Variants in NKAIN2 observed in about 807,000 individuals in gnomAD.
The protein encoded by NKAIN2 is sodium/potassium-transporting ATPase subunit beta-1-interacting protein 2.
A neutral mutation model predicts 32.6 loss-of-function variants in NKAIN2; 14 were observed. The ratio of observed to expected loss-of-function variants is 0.43; its 90% CI spans 0.28 to 0.67. The LOEUF is 0.67. Ranked by LOEUF, NKAIN2 falls within the 30% of genes least tolerant of loss-of-function variation. NKAIN2 has a pLI of 0.17. For missense variants in NKAIN2, 198 were observed against 258.3 expected, an observed-to-expected ratio of 0.77 and a Z score of 1.60; for synonymous variants, 80 against 87.2, an observed-to-expected ratio of 0.92 and a Z score of 0.46.
chr6:123,829,395 T>A (rs2114908741), intron 1 of NKAIN2: 1 of 152,348 alleles, frequency 6.6e-6, no homozygotes, highest in South Asian at 2.1e-4. Flanking sequence ...TTCCTAGCTG[T>A]TGTATCGGAC....
chr6:123,871,703 C>T (rs1772896190), intron 1 of NKAIN2, among the ~76,000 whole-genome samples: 1 of 152,118 alleles, frequency 6.6e-6, no homozygotes, highest in African/African-American at 2.4e-5. Context: ...TGATTTCTCC[C>T]TAGGGTTTTG....
intron 3 of NKAIN2, among the ~76,000 whole-genome samples, chr6:124,480,774 A>G (rs1257155319): frequency 2.0e-5 from 3 of 152,152 alleles, no homozygotes; most frequent in African/African-American, 7.2e-5. Context: ...TGTTAATAGA[A>G]AAGTGTAATA....
chr6:124,384,994 T>TA (rs1166919855), intron 3 of NKAIN2, among the ~76,000 whole-genome samples: 1 of 152,162 alleles, frequency 6.6e-6, no homozygotes, highest in East Asian at 1.9e-4. Context: ...CCATTGATGT[T>TA]ACTGAATGGC....
chr6:124,051,383 T>C (rs1562329742), intron 1 of NKAIN2, among the ~76,000 whole-genome samples: 1 of 152,044 alleles, frequency 6.6e-6, no homozygotes. Context: ...ATAAATGCCA[T>C]TGAGATATAG....
chr6:124,082,578 G>C (rs1784024058), intron 1 of NKAIN2, among the ~76,000 whole-genome samples: 1 of 151,264 alleles, frequency 6.6e-6, no homozygotes, highest in African/African-American at 2.4e-5. Context: ...AAAACATTTA[G>C]AACAATAGAA....
At chr6:124,779,007 C>T (rs1021894933) in intron 4 of NKAIN2, among the ~76,000 whole-genome samples, 5 of 151,734 alleles carry the variant, frequency 3.3e-5, no homozygotes, top group South Asian at 4.2e-4. Context: ...GGCCCATAAA[C>T]GAGATGAAAT....
chr6:124,315,421 T>A (rs1350597457), intron 2 of NKAIN2, among the ~76,000 whole-genome samples: 1 of 150,888 alleles, frequency 6.6e-6, no homozygotes, highest in Non-Finnish European at 1.5e-5. Context: ...AAGAGCAATT[T>A]TTTTAGGATA....
intron 3 of NKAIN2, among the ~76,000 whole-genome samples, chr6:124,539,813 T>G (rs928464977): frequency 1.4e-4 from 21 of 151,998 alleles, no homozygotes; most frequent in African/African-American, 4.8e-4. Flanking sequence ...CTCCGCCTCC[T>G]GGGTTCAAGC....
chr6:124,535,150 C>T (rs866524440), intron 3 of NKAIN2, among the ~76,000 whole-genome samples: 1 of 152,194 alleles, frequency 6.6e-6, no homozygotes, highest in Non-Finnish European at 1.5e-5. Context: ...CAGTTGATTG[C>T]ACCCATAGAT....
rs140992703 is a variant in NKAIN2 at position 124,799,169 on chromosome 6, G to A, written c.535+7770G>A. 2.2e-4 allele frequency among the ~76,000 whole-genome samples: 33 copies of A among 152,232 alleles called. No individual in the cohort carries two copies. In the East Asian group the frequency reaches 4.8e-3, roughly 22 times the overall value. ...AACACCTGAGACAGATGCTACATGC[G>A]AATTTTCCTCCTGTCAATCAAATTC... On this transcript the variant is annotated intron_variant, in intron 5 of 6. Coordinates refer to ENST00000368417, the MANE Select transcript of NKAIN2 (RefSeq NM_001040214.3).
intron 1 of NKAIN2, among the ~76,000 whole-genome samples, chr6:123,911,797 ATATG>A (rs1438409165): frequency 2.9e-5 from 3 of 103,348 alleles, no homozygotes; most frequent in African/African-American, 1.4e-4. Context: ...ATATATATAT[ATATG>A]TATATATATA....
At chr6:124,465,648 A>C (rs1299347277) in intron 3 of NKAIN2, among the ~76,000 whole-genome samples, 1 of 150,134 alleles carries the variant, frequency 6.7e-6, no homozygotes, top group African/African-American at 2.5e-5. Flanking sequence ...AAAAAAAAAG[A>C]AATTCCTTTG....
chr6:123,979,307 C>T (rs1270939377), intron 1 of NKAIN2, among the ~76,000 whole-genome samples: 2 of 152,092 alleles, frequency 1.3e-5, no homozygotes, highest in Non-Finnish European at 1.5e-5. Flanking sequence ...CAGTAACATT[C>T]GTTATTACAT....
chr6:124,027,133 A>G (rs535329401), intron 1 of NKAIN2, among the ~76,000 whole-genome samples: 1 of 146,154 alleles, frequency 6.8e-6, no homozygotes, highest in East Asian at 2.0e-4. Flanking sequence ...GGGTTTAATT[A>G]TCACTCTTTT....
intron 1 of NKAIN2, among the ~76,000 whole-genome samples, chr6:123,954,112 G>A (rs541886857): frequency 1.2e-4 from 18 of 152,342 alleles, no homozygotes; most frequent in Admixed American, 4.6e-4. Context: ...AGCTGCAGCA[G>A]TTACTGTAGG....
Position 123,923,433 on chromosome 6 carries a change from T to C in NKAIN2, c.54+119179T>C, listed in dbSNP as rs556450961. On this transcript the variant is annotated intron_variant, in intron 1 of 6. Transcript: ENST00000368417. ...GCCTTTGTTGCATTTCGCAGAGGCATGGGATTTGTAATGTCCATTCATGGT... is the reference window on the plus strand; with the variant it reads ...GCCTTTGTTGCATTTCGCAGAGGCACGGGATTTGTAATGTCCATTCATGGT... Among the ~76,000 whole-genome samples the C allele has an allele frequency of 2.7e-4, 41 of 152,066 alleles. No homozygotes were observed. The South Asian group carries it at 5.8e-3, about 22-fold the overall frequency.
At chr6:124,086,020 A>G (rs1164343609) in intron 1 of NKAIN2, among the ~76,000 whole-genome samples, 1 of 151,994 alleles carries the variant, frequency 6.6e-6, no homozygotes, top group African/African-American at 2.4e-5. Context: ...CAGATCCCTC[A>G]GTTTTCATAT....
intron 3 of NKAIN2, among the ~76,000 whole-genome samples, chr6:124,576,039 G>A (rs1301887145): frequency 2.6e-5 from 4 of 152,126 alleles, no homozygotes; most frequent in Non-Finnish European, 5.9e-5. Context: ...TACCAACATG[G>A]ATTCACATGA....
chr6:123,883,756 T>C lies in NKAIN2; in HGVS notation c.54+79502T>C, dbSNP rs572972678. On this transcript the variant is annotated intron_variant, in intron 1 of 6. Coordinates refer to ENST00000368417, the MANE Select transcript of NKAIN2 (RefSeq NM_001040214.3). ...AAATGTACCTCTTTTTTAAAAAAAA[T>C]TGGTGTCAGGCGCCTGTAGTCCCAG... Among the ~76,000 whole-genome samples the C allele has an allele frequency of 2.0e-5, 3 of 149,906 alleles. No individual in the cohort carries two copies. The South Asian group carries it at 6.4e-4, about 32-fold the overall frequency.
Sources: gnomAD v4.1 joint callset for allele counts (sites outside exome capture counted in the v4.1 genomes callset) on GRCh38, gnomAD v4.1.1 for gene constraint, MANE v1.5 for transcripts, NCBI Gene and HGNC (gene_info 2026-07-23, HGNC 2026-07-21) for gene names.